The following HDAC4 variants were observed in gnomAD, a reference collection of about 807,000 sequenced individuals.
The protein encoded by HDAC4 is histone deacetylase 4.
A neutral mutation model predicts 135.1 loss-of-function variants in HDAC4; 16 were observed. That is an observed-to-expected ratio of 0.12 (90% confidence interval 0.08 to 0.18). HDAC4 has a LOEUF of 0.18. Ranked by LOEUF, HDAC4 falls within the 10% of genes least tolerant of loss-of-function variation. The pLI is 1.00. For synonymous variants in HDAC4, 685 were observed against 653.4 expected (o/e 1.05, Z -0.74); for missense variants, 1,143 against 1,511.8 (o/e 0.76, Z 4.05).
At chr2:239,168,554 A>T (rs773259114) in intron 5 of HDAC4, among the ~76,000 whole-genome samples, 23 of 152,258 alleles carry the variant, frequency 1.5e-4, no homozygotes, top group Admixed American at 7.2e-4. Context: ...ACTCAATAAG[A>T]AATTCACTTA....
At chr2:239,397,390 G>A (rs903448426) in intron 1 of HDAC4, among the ~76,000 whole-genome samples, 2 of 152,178 alleles carry the variant, frequency 1.3e-5, no homozygotes, top group Admixed American at 6.5e-5. Context: ...TCAGCTACGG[G>A]AGCACGTGAC....
chr2:239,116,493 G>GCCTCGA (rs1353497054), intron 12 of HDAC4, among the ~76,000 whole-genome samples: 2 of 152,202 alleles, frequency 1.3e-5, no homozygotes, highest in Non-Finnish European at 2.9e-5. Flanking sequence ...CTTCTCTCCA[G>GCCTCGA]CCTCGACCTC....
chr2:239,382,590 A>C (rs1281071619), intron 1 of HDAC4, among the ~76,000 whole-genome samples: 2 of 152,174 alleles, frequency 1.3e-5, no homozygotes, highest in East Asian at 3.9e-4. Context: ...TGCCCTCTAC[A>C]TGGGCCCCCA....
In HDAC4 at chr2:239,280,702, G is replaced by GGGAGCA. The variant is rs533999868; in HGVS notation, c.23-44039_23-44038insTGCTCC. ...GAACTGTCTGCTGTTAACAGGGGAT[G>GGGAGCA]GCAAACTCCATCCAAGTCTTGTCCC... On this transcript the variant is annotated intron_variant, in intron 2 of 26. Transcript: ENST00000543185. 3.1e-4 allele frequency among the ~76,000 whole-genome samples: 47 copies of GGGAGCA among 152,190 alleles called. No homozygotes were observed. The East Asian group carries it at 8.7e-3, about 28-fold the overall frequency.
intron 2 of HDAC4, among the ~76,000 whole-genome samples, chr2:239,310,547 G>T (rs990865625): frequency 6.6e-6 from 1 of 152,232 alleles, no homozygotes; most frequent in African/African-American, 2.4e-5. Context: ...ACTGCGTAGG[G>T]CAGGACTGCC....
At chr2:239,231,115 T>C (rs2047526828) in intron 3 of HDAC4, among the ~76,000 whole-genome samples, 1 of 152,086 alleles carries the variant, frequency 6.6e-6, no homozygotes, top group Non-Finnish European at 1.5e-5. Flanking sequence ...GGTTCCAGAG[T>C]TTTCTTTTAA....
intron 8 of HDAC4, chr2:239,140,953 G>A (rs1473180395): frequency 2.0e-5 from 9 of 451,572 alleles, no homozygotes; most frequent in East Asian, 8.1e-5. Context: ...TGAGGAGGGT[G>A]GGGGAACAGG....
At chr2:239,187,146 A>AGG (rs2044606624) in intron 4 of HDAC4, 1 of 152,670 alleles carries the variant, frequency 6.6e-6, no homozygotes, top group African/African-American at 2.4e-5. Flanking sequence ...ATCCTCAGCC[A>AGG]GCATCTGTGT....
chr2:239,303,686 G>A lies in HDAC4; in HGVS notation c.22+48992C>T, dbSNP rs1173273673. Among the ~76,000 whole-genome samples, 1 of 151,920 alleles carries A rather than the reference G, an allele frequency of 6.6e-6. No homozygotes were observed. Among genetic ancestry groups the A allele is most frequent in the Admixed American group, 6.6e-5 (1 of 15,260 alleles). On this transcript the variant is annotated intron_variant, in intron 2 of 26. Transcript: ENST00000543185. This position sits in a 1 kb window ranked among gnomAD's most constrained non-coding sequence, Gnocchi z 5.1. Reference sequence around the variant, plus strand: ...TCAAGTCAGCCCTGATGCTGTCCATGTTTTTTGTAAAACTTGCTCACTTGT... The same window carrying A: ...TCAAGTCAGCCCTGATGCTGTCCATATTTTTTGTAAAACTTGCTCACTTGT...
intron 3 of HDAC4, among the ~76,000 whole-genome samples, chr2:239,227,359 G>C (rs1195575610): frequency 6.6e-6 from 1 of 152,146 alleles, no homozygotes; most frequent in Non-Finnish European, 1.5e-5. Context: ...CCCAGCATGG[G>C]GGCAGGGCAG....
chr2:239,275,619 G>A (rs910588733), intron 2 of HDAC4, among the ~76,000 whole-genome samples: 2 of 152,174 alleles, frequency 1.3e-5, no homozygotes, highest in South Asian at 2.1e-4. Context: ...TGCCTGCACG[G>A]TCTGTGTGTG....
chr2:239,228,487 C>T (rs1280965740), intron 3 of HDAC4, among the ~76,000 whole-genome samples: 1 of 152,146 alleles, frequency 6.6e-6, no homozygotes, highest in Non-Finnish European at 1.5e-5. Context: ...CTTGGCCCCG[C>T]AGTGTTTCCA....
chr2:239,396,077 C>T (rs926662458), intron 1 of HDAC4, among the ~76,000 whole-genome samples: 1 of 151,888 alleles, frequency 6.6e-6, no homozygotes, highest in African/African-American at 2.4e-5. Context: ...TCCAGGCTCA[C>T]GTGATTCTCC....
chr2:239,180,421 T>C (rs1172703369), intron 4 of HDAC4, among the ~76,000 whole-genome samples: 1 of 151,460 alleles, frequency 6.6e-6, no homozygotes, highest in African/African-American at 2.4e-5. Flanking sequence ...CAGAACCACT[T>C]GTAAATAGGG....
At chr2:239,320,149 G>A (rs567444672) in intron 2 of HDAC4, among the ~76,000 whole-genome samples, 4 of 152,222 alleles carry the variant, frequency 2.6e-5, no homozygotes, top group African/African-American at 9.6e-5. Context: ...TTGGGAGGCC[G>A]AAGCAGGCGG....
intron 2 of HDAC4, among the ~76,000 whole-genome samples, chr2:239,241,122 C>A (rs1281714789): frequency 6.6e-6 from 1 of 152,124 alleles, no homozygotes; most frequent in Non-Finnish European, 1.5e-5. Context: ...TGAAGCTGGA[C>A]CTTGAGCAAA....
At chr2:239,292,033 G>A (rs539636697) in intron 2 of HDAC4, among the ~76,000 whole-genome samples, 2 of 151,202 alleles carry the variant, frequency 1.3e-5, no homozygotes, top group African/African-American at 2.4e-5. Context: ...GGCCCAGCTC[G>A]GCCCAGCTCA....
At chr2:239,345,830 C>T (rs1350957890) in intron 2 of HDAC4, among the ~76,000 whole-genome samples, 1 of 144,888 alleles carries the variant, frequency 6.9e-6, no homozygotes, top group Non-Finnish European at 1.5e-5. Context: ...AAAATACACA[C>T]CCCCGTCTCA....
chr2:239,123,743 G>T (rs1309261939), intron 12 of HDAC4, among the ~76,000 whole-genome samples: 1 of 152,224 alleles, frequency 6.6e-6, no homozygotes, highest in African/African-American at 2.4e-5. Flanking sequence ...CAGGCAGGAG[G>T]GGCTAATGGT....
Sources: gnomAD v4.1 joint callset for allele counts (sites outside exome capture counted in the v4.1 genomes callset) on GRCh38, gnomAD v4.1.1 for gene constraint, Gnocchi (gnomAD v3.1) non-coding constraint, MANE v1.5 for transcripts, NCBI Gene and HGNC (gene_info 2026-07-23, HGNC 2026-07-21) for gene names.